PMEPA1: variants seen among roughly 807,000 people sequenced by gnomAD.
The protein encoded by PMEPA1 is prostate transmembrane protein, androgen induced 1, also known as protein TMEPAI.
A neutral mutation model predicts 23.0 loss-of-function variants in PMEPA1; 11 were observed. The ratio of observed to expected loss-of-function variants is 0.48; its 90% CI spans 0.30 to 0.79. The LOEUF is 0.79. PMEPA1 is among the 30% of genes least tolerant of loss of function. The pLI is 0.06. For synonymous variants in PMEPA1, 204 were observed against 166.4 expected (o/e 1.23, Z -1.74); for missense variants, 377 against 390.9 (o/e 0.96, Z 0.30).
Position 57,704,264 on chromosome 20 carries a change from C to T in PMEPA1, c.109+5210G>A, listed in dbSNP as rs539636754. Among the ~76,000 whole-genome samples, 2 of 152,336 alleles carry T rather than the reference C, an allele frequency of 1.3e-5. No homozygotes were observed. Among genetic ancestry groups the T allele is most frequent in the East Asian group, 3.9e-4 (2 of 5,182 alleles). ...GTGCCTTTAAACTGGACTCTTGCCC[C>T]TGGTTCCCTGGAGCCCACCCCAAAG... is the stretch of plus-strand genomic sequence containing the variant. On this transcript the variant is annotated intron_variant, in intron 1 of 3. Coordinates refer to ENST00000341744, the MANE Select transcript of PMEPA1 (RefSeq NM_020182.5). The surrounding 1 kb of genome is among the most constrained non-coding windows in gnomAD (Gnocchi z 4.6).
Position 57,704,584 on chromosome 20 carries a change from C to T in PMEPA1, c.109+4890G>A, listed in dbSNP as rs531926855. On this transcript the variant is annotated intron_variant, in intron 1 of 3. Transcript: ENST00000341744. This position sits in a 1 kb window ranked among gnomAD's most constrained non-coding sequence, Gnocchi z 4.6. The stretch of plus-strand genomic sequence containing the variant: ...GAGTTCCTTCTCTTTGGGCAGGATC[C>T]CAGACACCGAGGTGCCTGCAAACTT... 1.6e-4 allele frequency among the ~76,000 whole-genome samples: 25 copies of T among 152,316 alleles called. No individual in the cohort carries two copies. Among genetic ancestry groups the T allele is most frequent in the African/African-American group, 5.5e-4 (23 of 41,558 alleles).
chr20:57,652,510 G>T lies in PMEPA1; in HGVS notation c.407C>A (p.Thr136Asn). ...GATCTCGTGCTGCAGGTACGGATAG[G>T]TGGGCTGGAAGCGGTGGAAGCGCTC... ...QRERFHRFQP[T>N]YPYLQHEIDL... Residue 136 changes from threonine to asparagine, a missense_variant, in exon 4 of 4, where the codon ACC (threonine) becomes AAC (asparagine). Around this residue, in one of 3 missense-constraint regions of PMEPA1, gnomAD observed 198 missense variants for 196.3 expected, o/e 1.01. Transcript: ENST00000341744. The surrounding 1 kb of genome is among the most constrained non-coding windows in gnomAD (Gnocchi z 6.1). 1 of 1,588,582 alleles carries T rather than the reference G, an allele frequency of 6.3e-7. No individual in the cohort carries two copies. Among genetic ancestry groups the T allele is most frequent in the African/African-American group, 1.3e-5 (1 of 74,516 alleles).
intron 1 of PMEPA1, among the ~76,000 whole-genome samples, chr20:57,689,516 C>T (rs933089882): frequency 1.4e-4 from 21 of 152,302 alleles, no homozygotes; most frequent in Middle Eastern, 3.4e-3. Context: ...GACCCAGCAC[C>T]GGGAATCGGA....
At chr20:57,661,348 T>G (rs116687237) in intron 1 of PMEPA1, among the ~76,000 whole-genome samples, 4,040 of 151,760 alleles carry the variant, frequency 0.027, 187 homozygotes, top group African/African-American at 0.093. Flanking sequence ...TCCCTTGGAG[T>G]TGACACGGCA....
chr20:57,677,455 C>G (rs921892597), intron 1 of PMEPA1, among the ~76,000 whole-genome samples: 1 of 152,138 alleles, frequency 6.6e-6, no homozygotes, highest in East Asian at 1.9e-4. Context: ...TTTACCCTGG[C>G]GCTGTATCCG....
At chr20:57,666,541 C>T (rs1425930423) in intron 1 of PMEPA1, among the ~76,000 whole-genome samples, 2 of 152,170 alleles carry the variant, frequency 1.3e-5, no homozygotes, top group East Asian at 1.9e-4. Context: ...CGACCCCCAG[C>T]AGTCCTGAGT....
chr20:57,690,844 A>G (rs1428573318), intron 1 of PMEPA1, among the ~76,000 whole-genome samples: 2 of 152,202 alleles, frequency 1.3e-5, no homozygotes. Context: ...TCCTGGGAGA[A>G]AATGTGTGAG....
intron 1 of PMEPA1, among the ~76,000 whole-genome samples, chr20:57,702,276 C>T (rs969936075): frequency 3.9e-5 from 6 of 152,182 alleles, no homozygotes; most frequent in African/African-American, 1.4e-4. Flanking sequence ...ATCAAGTCTA[C>T]ATTTGATTCC....
intron 1 of PMEPA1, among the ~76,000 whole-genome samples, chr20:57,687,228 C>T (rs563056984): frequency 2.0e-5 from 3 of 152,268 alleles, no homozygotes; most frequent in South Asian, 4.1e-4. Flanking sequence ...TTCAACTGAG[C>T]GACTTCCTTC....
At position 57,652,798 on chromosome 20, in the gene PMEPA1, C is replaced by T. The variant is rs959934745; in HGVS notation, c.319-200G>A. On this transcript the variant is annotated intron_variant, in intron 3 of 3. Coordinates refer to ENST00000341744, the MANE Select transcript of PMEPA1 (RefSeq NM_020182.5). This position sits in a 1 kb window ranked among gnomAD's most constrained non-coding sequence, Gnocchi z 6.1. ...GGGGGGCAGCACTGCAGAGCTGCAC[C>T]GCCCTCCTCCAAACAGTGGCAGCGT... Among the ~76,000 whole-genome samples the T allele has an allele frequency of 2.2e-4, 34 of 152,122 alleles. No individual in the cohort carries two copies. The highest frequency in any genetic ancestry group is 8.0e-4 in the African/African-American group (33 of 41,422).
chr20:57,663,483 G>C (rs920094036), intron 1 of PMEPA1, among the ~76,000 whole-genome samples: 20 of 152,182 alleles, frequency 1.3e-4, no homozygotes, highest in Non-Finnish European at 2.9e-5. Context: ...TCAGCATGTA[G>C]TGCTCCCTGG....
chr20:57,701,313 C>T (rs1042436414), intron 1 of PMEPA1, among the ~76,000 whole-genome samples: 13 of 152,170 alleles, frequency 8.5e-5, no homozygotes, highest in Non-Finnish European at 5.9e-5. Context: ...GAGCAAACTC[C>T]ACCTTCCTCC....
chr20:57,691,242 G>A (rs2071878135), intron 1 of PMEPA1, among the ~76,000 whole-genome samples: 1 of 152,188 alleles, frequency 6.6e-6, no homozygotes, highest in Non-Finnish European at 1.5e-5. Context: ...CCATTAGCGA[G>A]GTTCCTAATT....
In PMEPA1 at chr20:57,652,562, G is replaced by A. The variant is rs1170130907; in HGVS notation, c.355C>T (p.Leu119=). The A allele has an allele frequency of 6.6e-7, 1 of 1,521,762 alleles. No individual in the cohort carries two copies. Among genetic ancestry groups the A allele is most frequent in the Non-Finnish European group, 8.8e-7 (1 of 1,135,190 alleles). The allele number at this position is 1,521,762 out of a possible 1,614,324, so 94.3% of individuals were successfully genotyped here. Residue 119 remains leucine (L), a synonymous_variant, in exon 4 of 4, where the codon CTG becomes TTG. Transcript: ENST00000341744. The surrounding 1 kb of genome is among the most constrained non-coding windows in gnomAD (Gnocchi z 6.1). ...CGCTGGGCGAAGGGCGGCACGGCCA[G>A]GCGGTCGGTGGGCCGAGGCGGGGCG... is the stretch of plus-strand genomic sequence containing the variant. ...VYAPPRPTDR[L]AVPPFAQRER...
At chr20:57,699,223 G>T (rs556720735) in intron 1 of PMEPA1, among the ~76,000 whole-genome samples, 3 of 152,172 alleles carry the variant, frequency 2.0e-5, no homozygotes, top group Non-Finnish European at 4.4e-5. Flanking sequence ...GCAGCTTGAT[G>T]CAAGAAGGAG....
At chr20:57,671,281 A>G (rs751360062) in intron 1 of PMEPA1, among the ~76,000 whole-genome samples, 10 of 152,222 alleles carry the variant, frequency 6.6e-5, no homozygotes, top group Non-Finnish European at 1.5e-4. Flanking sequence ...TCGGAGGTGC[A>G]TAACATCCGA....
rs1488005498 is a variant in PMEPA1, at chr20:57,649,690, AG to A, written c.*2362del. ...GTCGTGTACAAACCTTGGCAAAAAA[AG>A]GTTGGAGGAGCAGGAGTAACCTCAC... On this transcript the variant is annotated 3_prime_UTR_variant, in exon 4 of 4. Coordinates refer to ENST00000341744, the MANE Select transcript of PMEPA1 (RefSeq NM_020182.5). 1.3e-5 allele frequency: 2 copies of A among 152,364 alleles called. No individual in the cohort carries two copies. The highest frequency in any genetic ancestry group is 2.9e-5 in the Non-Finnish European group (2 of 68,054). 9.4% of individuals were successfully genotyped at this position (152,364 alleles called of 1,614,324 possible).
chr20:57,687,344 C>T (rs559260120), intron 1 of PMEPA1, among the ~76,000 whole-genome samples: 27 of 152,318 alleles, frequency 1.8e-4, no homozygotes, highest in South Asian at 2.1e-4. Flanking sequence ...TGACTCAGCC[C>T]TGCCATTTAA....
intron 1 of PMEPA1, among the ~76,000 whole-genome samples, chr20:57,688,602 A>G (rs1331392986): frequency 2.6e-5 from 4 of 152,034 alleles, no homozygotes; most frequent in Non-Finnish European, 2.9e-5. Context: ...GGTCGACCTC[A>G]CTCTGCCAGG....
Sources: allele counts gnomAD v4.1 joint callset (sites outside exome capture counted in the v4.1 genomes callset), GRCh38; gene constraint gnomAD v4.1.1; regional missense constraint gnomAD v4.1.1; non-coding constraint Gnocchi (gnomAD v3.1); transcripts MANE v1.5; gene names NCBI Gene and HGNC (gene_info 2026-07-23, HGNC 2026-07-21).